Variants in TTLL11 observed in about 807,000 individuals in gnomAD.
The protein encoded by TTLL11 is tubulin polyglutamylase TTLL11.
TTLL11 carries 42 observed loss-of-function variants against 51.7 expected under a neutral mutation model. The ratio of observed to expected loss-of-function variants is 0.81; its 90% CI spans 0.64 to 1.05. The LOEUF is 1.05. TTLL11 is among the 50% of genes least tolerant of loss of function. TTLL11 has a pLI of 0.00. For synonymous variants in TTLL11, 381 were observed against 383.5 expected, an observed-to-expected ratio of 0.99 and a Z score of 0.08; for missense variants, 799 against 940.4, an observed-to-expected ratio of 0.85 and a Z score of 1.97.
At chr9:121,953,802 C>T (rs897009380) in intron 6 of TTLL11, among the ~76,000 whole-genome samples, 1 of 152,116 alleles carries the variant, frequency 6.6e-6, no homozygotes, top group East Asian at 1.9e-4. Context: ...ACAAAAAGCT[C>T]ACAATCGAAG....
At chr9:121,833,452 A>C (rs1236641619) in intron 8 of TTLL11, among the ~76,000 whole-genome samples, 1 of 152,188 alleles carries the variant, frequency 6.6e-6, no homozygotes, top group Non-Finnish European at 1.5e-5. Flanking sequence ...TAATCTCATC[A>C]TCTCTTCACC....
chr9:122,021,668 T>C (rs1020555882), intron 3 of TTLL11, among the ~76,000 whole-genome samples: 5 of 152,134 alleles, frequency 3.3e-5, no homozygotes, highest in Non-Finnish European at 7.4e-5. Flanking sequence ...AATCTTGAAA[T>C]AGACCTGAAA....
At chr9:122,051,293 T>C (rs921079506) in intron 1 of TTLL11, among the ~76,000 whole-genome samples, 8 of 152,178 alleles carry the variant, frequency 5.3e-5, no homozygotes, top group Admixed American at 2.0e-4. Flanking sequence ...ATTCCTTCAA[T>C]TCGACTAAGG....
At chr9:121,898,385 T>C (rs1019615939) in intron 6 of TTLL11, among the ~76,000 whole-genome samples, 2 of 152,158 alleles carry the variant, frequency 1.3e-5, no homozygotes, top group African/African-American at 4.8e-5. Flanking sequence ...GAAAAGGGGA[T>C]GTGGGGGCTT....
chr9:121,876,257 T>G (rs920367313), intron 6 of TTLL11, among the ~76,000 whole-genome samples: 1 of 152,258 alleles, frequency 6.6e-6, no homozygotes. Flanking sequence ...ATAAGTGGTA[T>G]ATAGTTCCAG....
chr9:121,879,310 G>A (rs547431679), intron 6 of TTLL11, among the ~76,000 whole-genome samples: 6 of 152,036 alleles, frequency 3.9e-5, no homozygotes, highest in African/African-American at 4.8e-5. Flanking sequence ...TTGACTTTCC[G>A]CTCCTCCACT....
chr9:121,892,837 G>A (rs946154415), intron 6 of TTLL11, among the ~76,000 whole-genome samples: 4 of 152,182 alleles, frequency 2.6e-5, no homozygotes, highest in Non-Finnish European at 5.9e-5. Context: ...ACTGTTTTGA[G>A]TGGGGAAGGA....
chr9:121,840,888 G>A (rs1245036176), intron 8 of TTLL11, among the ~76,000 whole-genome samples: 2 of 152,194 alleles, frequency 1.3e-5, no homozygotes, highest in Non-Finnish European at 2.9e-5. Flanking sequence ...CTAGGCCCTG[G>A]GCCCCAAACA....
At chr9:121,991,602 T>C (rs1371014659) in intron 3 of TTLL11, among the ~76,000 whole-genome samples, 1 of 152,242 alleles carries the variant, frequency 6.6e-6, no homozygotes, top group Non-Finnish European at 1.5e-5. Context: ...GCTTTTGCTA[T>C]GCCGAAGACA....
intron 1 of TTLL11, among the ~76,000 whole-genome samples, chr9:122,044,347 G>A (rs1844940724): frequency 1.3e-5 from 2 of 152,100 alleles, no homozygotes; most frequent in Admixed American, 1.3e-4. Context: ...ATAGCAGCAT[G>A]ATTTATAATC....
chr9:121,851,612 C>T (rs564320093), intron 8 of TTLL11, among the ~76,000 whole-genome samples: 2 of 152,350 alleles, frequency 1.3e-5, no homozygotes, highest in East Asian at 3.9e-4. Context: ...GGAGAAGATA[C>T]AGTCAGGAGA....
At chr9:121,916,249 T>C (rs1840322687) in intron 6 of TTLL11, among the ~76,000 whole-genome samples, 1 of 152,242 alleles carries the variant, frequency 6.6e-6, no homozygotes. Flanking sequence ...TAGCATGTCA[T>C]ATGCATGAAT....
chr9:121,901,222 T>C (rs1839765620), intron 6 of TTLL11, among the ~76,000 whole-genome samples: 3 of 152,224 alleles, frequency 2.0e-5, no homozygotes, highest in Admixed American at 2.0e-4. Flanking sequence ...TGTTTATCAG[T>C]TCTTAGTAGC....
intron 3 of TTLL11, among the ~76,000 whole-genome samples, chr9:122,002,944 C>CAAAAAAAAAAAAAAAAAAAAAA (rs547408355): frequency 8.0e-4 from 49 of 61,216 alleles, no homozygotes; most frequent in Admixed American, 2.6e-3. Context: ...GACTCTGTCT[C>CAAAAAAAAAAAAAAAAAAAAAA]AAAAAAAAAA....
intron 8 of TTLL11, among the ~76,000 whole-genome samples, chr9:121,827,302 C>T (rs530263673): frequency 3.9e-5 from 6 of 152,200 alleles, no homozygotes; most frequent in Admixed American, 1.3e-4. Context: ...CCTCACCCCT[C>T]GGGGCCCTTG....
intron 4 of TTLL11, among the ~76,000 whole-genome samples, chr9:121,980,356 G>A (rs1842801588): frequency 6.6e-6 from 1 of 152,108 alleles, no homozygotes; most frequent in Non-Finnish European, 1.5e-5. Flanking sequence ...AAATATCCTC[G>A]TGCCTTACCT....
intron 6 of TTLL11, among the ~76,000 whole-genome samples, chr9:121,887,377 C>T (rs1564288827): frequency 6.6e-6 from 1 of 152,142 alleles, no homozygotes; most frequent in Non-Finnish European, 1.5e-5. Context: ...AAAGGTTATG[C>T]TTCATTCTGC....
At chr9:122,053,033 T>A (rs1845202269) in intron 1 of TTLL11, among the ~76,000 whole-genome samples, 1 of 152,182 alleles carries the variant, frequency 6.6e-6, no homozygotes, top group Admixed American at 6.5e-5. Flanking sequence ...ATTCACCTAA[T>A]TAAGTCCCTT....
At chr9:121,923,343 A>G (rs185115122) in intron 6 of TTLL11, among the ~76,000 whole-genome samples, 13 of 152,354 alleles carry the variant, frequency 8.5e-5, no homozygotes, top group Non-Finnish European at 1.8e-4. Context: ...CTTGTACGTT[A>G]CAAGAAAACA....
Sources: allele counts gnomAD v4.1 joint callset (sites outside exome capture counted in the v4.1 genomes callset), GRCh38; gene constraint gnomAD v4.1.1; transcripts MANE v1.5; gene names NCBI Gene and HGNC (gene_info 2026-07-23, HGNC 2026-07-21).